SPHKAP: variants seen among roughly 807,000 people sequenced by gnomAD.
The protein encoded by SPHKAP is A-kinase anchor protein SPHKAP.
A neutral mutation model predicts 137.5 loss-of-function variants in SPHKAP; 67 were observed. The ratio of observed to expected loss-of-function variants is 0.49; its 90% CI spans 0.40 to 0.60. SPHKAP has a LOEUF of 0.60. Among genes scored for constraint, SPHKAP ranks in the 20% least tolerant of loss-of-function variants. The pLI is 0.00. For synonymous variants in SPHKAP, 813 were observed against 785.3 expected, an observed-to-expected ratio of 1.04 and a Z score of -0.59; for missense variants, 2,097 against 2,069.3, an observed-to-expected ratio of 1.01 and a Z score of -0.26.
In SPHKAP at chr2:228,017,337, G is replaced by T; in HGVS notation, c.3517C>A (p.His1173Asn). The change falls in exon 7 of 12, where the codon CAC becomes AAC. Residue 1173 changes from histidine to asparagine, a missense_variant. His to Asn is a moderately conservative substitution (Grantham distance 68). Coordinates refer to ENST00000392056, the MANE Select transcript of SPHKAP (RefSeq NM_001142644.2). Reference protein sequence around the residue: ...AMQQACRKSDHLSVRPSCPSK... With the variant: ...AMQQACRKSDNLSVRPSCPSK... ...GGACAGCTAGGCCTCACACTGAGGT[G>T]GTCACTTTTCCGGCACGCCTGTTGC... is the stretch of plus-strand genomic sequence containing the variant. The T allele has an allele frequency of 6.2e-7, 1 of 1,613,814 alleles. No individual in the cohort carries two copies. Among genetic ancestry groups the T allele is most frequent in the Non-Finnish European group, 8.5e-7 (1 of 1,179,882 alleles).
At chr2:228,168,658 C>T (rs1169472621) in intron 1 of SPHKAP, among the ~76,000 whole-genome samples, 3 of 152,042 alleles carry the variant, frequency 2.0e-5, no homozygotes, top group Non-Finnish European at 4.4e-5. Context: ...CTCTATTCTC[C>T]AAGACAAAAT....
intron 3 of SPHKAP, among the ~76,000 whole-genome samples, chr2:228,032,524 C>A (rs1202364603): frequency 6.6e-6 from 1 of 152,120 alleles, no homozygotes; most frequent in Admixed American, 6.5e-5. Flanking sequence ...CCAGGAAATA[C>A]AGAGAACGCC....
chr2:228,150,413 T>G (rs1699893412), intron 1 of SPHKAP, among the ~76,000 whole-genome samples: 1 of 152,164 alleles, frequency 6.6e-6, no homozygotes, highest in Non-Finnish European at 1.5e-5. Context: ...GAGTAGAAAT[T>G]TTCTGTTAGA....
rs141862196 is a variant in SPHKAP, at chr2:228,157,727, A to G, written c.32+23840T>C. 3.8e-3 allele frequency among the ~76,000 whole-genome samples: 576 copies of G among 152,314 alleles called. 2 individuals carry two copies. The highest frequency in any genetic ancestry group is 0.013 in the African/African-American group (536 of 41,576). On this transcript the variant is annotated intron_variant, in intron 1 of 11. Coordinates refer to ENST00000392056, the MANE Select transcript of SPHKAP (RefSeq NM_001142644.2). ...AGCTTACGGAGGAAAGCTAAGGGGT[A>G]GTACATAAGTCTGTTTTACAGTTGC...
intron 2 of SPHKAP, among the ~76,000 whole-genome samples, chr2:228,117,500 A>T (rs1442166225): frequency 1.3e-5 from 2 of 152,146 alleles, no homozygotes; most frequent in Non-Finnish European, 2.9e-5. Context: ...TGAGTGGCTC[A>T]TTGGACTTGA....
At chr2:228,062,802 T>C (rs543974619) in intron 3 of SPHKAP, among the ~76,000 whole-genome samples, 1 of 152,192 alleles carries the variant, frequency 6.6e-6, no homozygotes. Context: ...AGAAACATAA[T>C]GAATCAACTG....
intron 2 of SPHKAP, among the ~76,000 whole-genome samples, chr2:228,118,063 A>G (rs1698772142): frequency 6.6e-6 from 1 of 152,048 alleles, no homozygotes; most frequent in African/African-American, 2.4e-5. Flanking sequence ...TTTTATCCCT[A>G]AAATATTGCC....
intron 3 of SPHKAP, among the ~76,000 whole-genome samples, chr2:228,099,723 C>A (rs1698122505): frequency 6.6e-6 from 1 of 151,988 alleles, no homozygotes; most frequent in Admixed American, 6.6e-5. Context: ...ATGTAGTTCT[C>A]TTTGTAGAGA....
chr2:228,110,816 T>G (rs575341875), intron 2 of SPHKAP, among the ~76,000 whole-genome samples: 1 of 152,330 alleles, frequency 6.6e-6, no homozygotes, highest in African/African-American at 2.4e-5. Context: ...CTAAAGGGTT[T>G]TGTTTTGTTT....
chr2:228,091,796 G>A (rs188139031), intron 3 of SPHKAP, among the ~76,000 whole-genome samples: 1 of 152,158 alleles, frequency 6.6e-6, no homozygotes, highest in Admixed American at 6.5e-5. Flanking sequence ...GTGGTGAAAA[G>A]GGAACACTAC....
At position 228,018,743 on chromosome 2, in the gene SPHKAP, G is replaced by A. The variant is rs770832292; in HGVS notation, c.2111C>T (p.Thr704Ile). The change falls in exon 7 of 12, where the codon ACC (threonine) becomes ATC (isoleucine). Residue 704 changes from threonine (T) to isoleucine (I), a missense_variant. Coordinates refer to ENST00000392056, the MANE Select transcript of SPHKAP (RefSeq NM_001142644.2). The part of the protein sequence containing the change: ...DNRHSSEILD[T>I]LMESTNQLLL... Reference sequence around the variant, plus strand: ...CAGTTGATTTGTACTTTCCATTAAGGTGTCCAGAATTTCAGATGAATGCCT... The same window carrying A: ...CAGTTGATTTGTACTTTCCATTAAGATGTCCAGAATTTCAGATGAATGCCT... 4 of 1,614,048 alleles carry A rather than the reference G, an allele frequency of 2.5e-6. No homozygotes were observed. Among genetic ancestry groups the A allele is most frequent in the Middle Eastern group, 1.6e-4 (1 of 6,084 alleles).
At chr2:228,001,498 TATATATACGTATATATAAGA>T (rs1311449820) in intron 7 of SPHKAP, among the ~76,000 whole-genome samples, 3 of 143,984 alleles carry the variant, frequency 2.1e-5, no homozygotes, top group South Asian at 2.1e-4. Flanking sequence ...TATATATAAG[TATATATACGTATATATAAGA>T]ATATATATAC....
intron 11 of SPHKAP, chr2:227,982,479 C>A: frequency 2.0e-6 from 1 of 495,546 alleles, no homozygotes; most frequent in Non-Finnish European, 2.6e-6. Flanking sequence ...TTGGCCACAG[C>A]CTAGAGAGAA....
Position 228,156,060 on chromosome 2 carries a change from A to G in SPHKAP, c.33-23975T>C, listed in dbSNP as rs546153118. Among the ~76,000 whole-genome samples the G allele has an allele frequency of 8.5e-5, 13 of 152,320 alleles. No homozygotes were observed. In the South Asian group the frequency reaches 2.5e-3, roughly 29 times the overall value. On this transcript the variant is annotated intron_variant, in intron 1 of 11. Transcript: ENST00000392056. ...TCTTCCCTTGTGAAGGATTTAAACT[A>G]AAATGTGCCCACTAAGAGAAAAAGA...
intron 3 of SPHKAP, among the ~76,000 whole-genome samples, chr2:228,040,468 T>C (rs911688183): frequency 6.6e-6 from 1 of 152,192 alleles, no homozygotes; most frequent in African/African-American, 2.4e-5. Flanking sequence ...ATTCGACTGT[T>C]TGAGAAAATG....
chr2:228,045,175 T>C (rs1418130927), intron 3 of SPHKAP, among the ~76,000 whole-genome samples: 1 of 151,524 alleles, frequency 6.6e-6, no homozygotes, highest in East Asian at 1.9e-4. Context: ...TCAACCATTG[T>C]GGAAGGCAGT....
chr2:228,020,196 T>G (rs749385702), intron 6 of SPHKAP, 40 bp from the exon 7 acceptor site: 1 of 1,536,000 alleles, frequency 6.5e-7, no homozygotes, highest in East Asian at 2.2e-5. Context: ...ACTTTTTGGA[T>G]AGCAGGTTAC....
At chr2:228,041,223 C>T (rs1451898363) in intron 3 of SPHKAP, among the ~76,000 whole-genome samples, 1 of 152,176 alleles carries the variant, frequency 6.6e-6, no homozygotes, top group East Asian at 1.9e-4. Context: ...AATTCCACTA[C>T]ATGCTAACAC....
At chr2:228,136,265 T>A (rs1296025170) in intron 1 of SPHKAP, among the ~76,000 whole-genome samples, 2 of 152,250 alleles carry the variant, frequency 1.3e-5, no homozygotes, top group Non-Finnish European at 1.5e-5. Flanking sequence ...CAATATTTAT[T>A]AAGCACAACC....
Sources: allele counts gnomAD v4.1 joint callset (sites outside exome capture counted in the v4.1 genomes callset), GRCh38; gene constraint gnomAD v4.1.1; transcripts MANE v1.5; gene names NCBI Gene and HGNC (gene_info 2026-07-23, HGNC 2026-07-21).